Variants in ABCG1 observed in about 807,000 individuals in gnomAD.
The protein encoded by ABCG1 is ATP binding cassette subfamily G member 1, also known as ATP-binding cassette sub-family G member 1.
In ABCG1, 29 loss-of-function variants were observed where a neutral mutation model predicts 69.2. The observed-to-expected ratio is 0.42, with a 90% CI of 0.31 to 0.57. ABCG1 has a LOEUF of 0.57. Ranked by LOEUF, ABCG1 falls within the 20% of genes least tolerant of loss-of-function variation. The pLI, the probability that ABCG1 is intolerant of heterozygous loss-of-function variation, is 0.15. For synonymous variants in ABCG1, 370 were observed against 374.8 expected (o/e 0.99, Z 0.15); for missense variants, 718 against 898.1 (o/e 0.80, Z 2.56).
intron 1 of ABCG1, among the ~76,000 whole-genome samples, chr21:42,223,469 A>T (rs1297252827): frequency 6.6e-6 from 1 of 151,976 alleles, no homozygotes; most frequent in Non-Finnish European, 1.5e-5. Context: ...TCATAGGCAC[A>T]CATGGGGAAA....
At chr21:42,279,552 C>T (rs1461625839) in intron 5 of ABCG1, among the ~76,000 whole-genome samples, 1 of 152,228 alleles carries the variant, frequency 6.6e-6, no homozygotes, top group African/African-American at 2.4e-5. Flanking sequence ...CCAGGCCCCA[C>T]CTGCCTTTTG....
chr21:42,270,047 C>G (rs542423332), intron 2 of ABCG1, among the ~76,000 whole-genome samples: 3 of 151,968 alleles, frequency 2.0e-5, no homozygotes. Flanking sequence ...GGGCGGATCA[C>G]AAGGAGATTG....
chr21:42,252,506 G>A (rs535614391), intron 2 of ABCG1, among the ~76,000 whole-genome samples: 84 of 152,238 alleles, frequency 5.5e-4, no homozygotes, highest in African/African-American at 1.9e-3. Context: ...GGGCAGCTGG[G>A]GCAGGTTAGG....
intron 2 of ABCG1, chr21:42,256,739 C>G (rs2068312406): frequency 7.3e-7 from 1 of 1,363,888 alleles, no homozygotes; most frequent in African/African-American, 1.5e-5. Context: ...GGCTCTGGCT[C>G]TTCAGAAATG....
chr21:42,205,286 T>C (rs997965869), intron 2 of ABCG1, among the ~76,000 whole-genome samples: 2 of 152,162 alleles, frequency 1.3e-5, no homozygotes, highest in African/African-American at 4.8e-5. Flanking sequence ...TTTGCTCATC[T>C]TGCTAGAGGT....
chr21:42,247,566 G>T (rs529289413), intron 2 of ABCG1, among the ~76,000 whole-genome samples: 1 of 152,134 alleles, frequency 6.6e-6, no homozygotes, highest in African/African-American at 2.4e-5. Context: ...TCTTGGACTA[G>T]ACTGGTGACT....
At chr21:42,266,539 A>G (rs2068508884) in intron 2 of ABCG1, among the ~76,000 whole-genome samples, 1 of 152,116 alleles carries the variant, frequency 6.6e-6, no homozygotes, top group Non-Finnish European at 1.5e-5. Context: ...GAATATCCCA[A>G]GGGATTTGCT....
In ABCG1 at chr21:42,219,882, A is replaced by T; in HGVS notation, c.42+578A>T. The T allele has an allele frequency of 1.3e-6, 2 of 1,541,178 alleles. No homozygotes were observed. Among genetic ancestry groups the T allele is most frequent in the Non-Finnish European group, 1.7e-6 (2 of 1,143,884 alleles). On this transcript the variant is annotated intron_variant, in intron 1 of 14. Coordinates refer to ENST00000398449, the MANE Select transcript of ABCG1 (RefSeq NM_016818.3). The surrounding 1 kb of genome is among the most constrained non-coding windows in gnomAD (Gnocchi z 5.3). The stretch of plus-strand genomic sequence containing the variant: ...GACCCACTCGGGGAGGCGGCGGCGA[A>T]GGCCCGGGGAGACCCGCGAGGGGCA...
intron 2 of ABCG1, among the ~76,000 whole-genome samples, chr21:42,238,660 G>A (rs141988779): frequency 1.3e-5 from 2 of 152,322 alleles, no homozygotes; most frequent in African/African-American, 4.8e-5. Context: ...AACAAAGCTT[G>A]GCAAGCAACA....
intron 2 of ABCG1, among the ~76,000 whole-genome samples, chr21:42,255,180 C>T (rs949237109): frequency 1.3e-5 from 2 of 152,244 alleles, no homozygotes; most frequent in African/African-American, 4.8e-5. Context: ...TATTTCAGTA[C>T]CTGCGCAGGG....
chr21:42,272,614 G>A (rs897327962), intron 3 of ABCG1, among the ~76,000 whole-genome samples: 9 of 152,170 alleles, frequency 5.9e-5, no homozygotes, highest in African/African-American at 2.2e-4. Flanking sequence ...GCATGCACCA[G>A]CTCCCGGGCT....
intron 8 of ABCG1, among the ~76,000 whole-genome samples, chr21:42,286,991 C>G (rs425215): frequency 0.63 from 96,312 of 151,976 alleles, 30,968 homozygotes; most frequent in African/African-American, 0.66. Context: ...TTTGTGGCTT[C>G]ATCTAGGAGG....
intron 2 of ABCG1, among the ~76,000 whole-genome samples, chr21:42,265,893 C>G (rs1020668472): frequency 1.3e-5 from 2 of 152,180 alleles, no homozygotes; most frequent in African/African-American, 4.8e-5. Context: ...CATAGCTTGC[C>G]CCTCGTGGCT....
At chr21:42,234,074 C>A (rs1306042136) in intron 2 of ABCG1, among the ~76,000 whole-genome samples, 1 of 152,046 alleles carries the variant, frequency 6.6e-6, no homozygotes, top group Non-Finnish European at 1.5e-5. Context: ...GTTTACTGAG[C>A]AAATCGTGTT....
At chr21:42,241,542 T>C (rs1284509779) in intron 2 of ABCG1, among the ~76,000 whole-genome samples, 1 of 151,410 alleles carries the variant, frequency 6.6e-6, no homozygotes, top group Non-Finnish European at 1.5e-5. Context: ...GAGGCAGAGG[T>C]TGCAGTGAGC....
chr21:42,259,252 G>C (rs904163085), intron 2 of ABCG1: 134 of 1,468,824 alleles, frequency 9.1e-5, no homozygotes, highest in Non-Finnish European at 1.2e-4. Context: ...AGTCAGCAAA[G>C]CACAGCCTGG....
chr21:42,269,493 G>A (rs116551676), intron 2 of ABCG1, among the ~76,000 whole-genome samples: 9 of 152,174 alleles, frequency 5.9e-5, no homozygotes, highest in Admixed American at 2.6e-4. Context: ...CCTATTGTAC[G>A]AGCTGGTTCA....
At position 42,273,444 on chromosome 21, in the gene ABCG1, C is replaced by T. The variant is rs1382614685; in HGVS notation, c.537+9C>T. On this transcript the variant is annotated intron_variant, in intron 4 of 14. Transcript: ENST00000398449. This position sits in a 1 kb window ranked among gnomAD's most constrained non-coding sequence, Gnocchi z 5.3. ...TGCAGGAGGCCATGATGGTGAGCTC[C>T]GCCCTGCCCCGCCCCACTCCGCCCC... The T allele has an allele frequency of 9.9e-6, 16 of 1,610,364 alleles. No homozygotes were observed. Among genetic ancestry groups the T allele is most frequent in the Admixed American group, 3.3e-5 (2 of 59,850 alleles).
chr21:42,215,158 G>A (rs2067626524), upstream of ABCG1, among the ~76,000 whole-genome samples: 1 of 152,182 alleles, frequency 6.6e-6, no homozygotes, highest in Non-Finnish European at 1.5e-5. Context: ...CAGAAGATGG[G>A]GCAATTCAAG....
Sources: gnomAD v4.1 joint callset for allele counts (sites outside exome capture counted in the v4.1 genomes callset) on GRCh38, gnomAD v4.1.1 for gene constraint, Gnocchi (gnomAD v3.1) non-coding constraint, MANE v1.5 for transcripts, NCBI Gene and HGNC (gene_info 2026-07-23, HGNC 2026-07-21) for gene names.